Variants in LCK observed in about 807,000 individuals in gnomAD.
LCK encodes the protein LCK proto-oncogene, Src family tyrosine kinase.
In LCK, 14 loss-of-function variants were observed where a neutral mutation model predicts 64.6. The ratio of observed to expected loss-of-function variants is 0.22; its 90% confidence interval spans 0.14 to 0.34. LCK has a LOEUF of 0.34. LCK is among the 10% of genes least tolerant of loss of function. The pLI, the probability that LCK is intolerant of heterozygous loss-of-function variation, is 1.00. For missense variants in LCK, 434 were observed against 668.1 expected (o/e 0.65, Z 3.86); for synonymous variants, 277 against 263.6 (o/e 1.05, Z -0.49).
rs1432668147 is a variant in LCK, at chr1:32,276,512, C to T, written c.784+23C>T. ...TGGGTGAGTGTGGCCTCCAGGACTG[C>T]CTGGGAAGAGGGGAACGGGAGGGGC... On this transcript the variant is annotated intron_variant, in intron 8 of 12. Coordinates refer to ENST00000336890, the MANE Select transcript of LCK (RefSeq NM_005356.5). This position sits in a 1 kb window ranked among gnomAD's most constrained non-coding sequence, Gnocchi z 4.6. 1 of 1,595,450 alleles carries T rather than the reference C, an allele frequency of 6.3e-7. No homozygotes were observed. The highest frequency in any genetic ancestry group is 2.2e-5 in the East Asian group (1 of 44,624).
intron 1 of LCK, among the ~76,000 whole-genome samples, chr1:32,262,484 G>A (rs143254369): frequency 0.013 from 2,022 of 149,854 alleles, 45 homozygotes; most frequent in African/African-American, 0.047. Context: ...GTGCAATGGC[G>A]CGATCTCGGC....
intron 1 of LCK, among the ~76,000 whole-genome samples, chr1:32,266,302 C>T (rs1639905615): frequency 6.6e-6 from 1 of 150,634 alleles, no homozygotes; most frequent in Non-Finnish European, 1.5e-5. Flanking sequence ...ACCATCCTGG[C>T]TAACATGGTG....
At position 32,276,569 on chromosome 1, in the gene LCK, C is replaced by T. The variant is rs375001231; in HGVS notation, c.785-38C>T. ...GGTGATGAGAGTCCCAGGACAGCTG[C>T]CTGGCGACTTTCCCACTCCTTCCCT... On this transcript the variant is annotated intron_variant, in intron 8 of 12. Coordinates refer to ENST00000336890, the MANE Select transcript of LCK (RefSeq NM_005356.5). The surrounding 1 kb of genome is among the most constrained non-coding windows in gnomAD (Gnocchi z 4.6). The T allele has an allele frequency of 3.1e-4, 486 of 1,584,896 alleles. No individual in the cohort carries two copies. Among genetic ancestry groups the T allele is most frequent in the Non-Finnish European group, 4.0e-4 (468 of 1,162,358 alleles).
At chr1:32,259,865 T>G (rs1416658351) in intron 1 of LCK, among the ~76,000 whole-genome samples, 2 of 151,886 alleles carry the variant, frequency 1.3e-5, no homozygotes, top group African/African-American at 4.8e-5. Flanking sequence ...TTGCCATGCC[T>G]GCTAGCCCTG....
In LCK at chr1:32,280,217, G is replaced by A. The variant is rs1318015833; in HGVS notation, c.1327+7G>A. 9.9e-6 allele frequency: 16 copies of A among 1,613,892 alleles called. No homozygotes were observed. The highest frequency in any genetic ancestry group is 1.3e-5 in the Non-Finnish European group (15 of 1,179,992). Reference sequence around the variant, plus strand: ...GGCCGCATCCCTTACCCAGGTTAGAGCCAAGGGCAGGAACTGAAAGGGTGA... The same window carrying A: ...GGCCGCATCCCTTACCCAGGTTAGAACCAAGGGCAGGAACTGAAAGGGTGA... On this transcript the variant is annotated splice_region_variant and intron_variant, in intron 12 of 12. Transcript: ENST00000336890.
chr1:32,261,560 C>T (rs960767355), intron 1 of LCK, among the ~76,000 whole-genome samples: 24 of 149,000 alleles, frequency 1.6e-4, no homozygotes, highest in Non-Finnish European at 1.6e-4. Context: ...GCAGGATAAT[C>T]ACTTGAACCT....
intron 1 of LCK, among the ~76,000 whole-genome samples, chr1:32,267,469 A>G (rs1301330879): frequency 6.6e-6 from 1 of 152,126 alleles, no homozygotes; most frequent in South Asian, 2.1e-4. Context: ...AGTTTAAGAA[A>G]CAGGAGTCGA....
At chr1:32,279,369 G>A (rs970522995) in intron 9 of LCK, among the ~76,000 whole-genome samples, 1 of 152,154 alleles carries the variant, frequency 6.6e-6, no homozygotes, top group African/African-American at 2.4e-5. Context: ...GTGGGGGAAA[G>A]AGAAGAAGCT....
chr1:32,280,027 T>G (rs753999038), intron 11 of LCK, 33 bp downstream of exon 11: 1 of 1,613,908 alleles, frequency 6.2e-7, no homozygotes, highest in East Asian at 2.2e-5. Flanking sequence ...GTCTGGGCCC[T>G]GCAGGGTCTG....
At chr1:32,259,293 A>AAAAG (rs1024486972) in intron 1 of LCK, among the ~76,000 whole-genome samples, 4 of 150,334 alleles carry the variant, frequency 2.7e-5, no homozygotes, top group Non-Finnish European at 5.9e-5. Context: ...CTCAGGTAAA[A>AAAAG]AAAAAAAAAG....
chr1:32,264,838 T>G (rs916302579), intron 1 of LCK, among the ~76,000 whole-genome samples: 2 of 152,034 alleles, frequency 1.3e-5, no homozygotes, highest in Non-Finnish European at 2.9e-5. Context: ...GCTCAATCGA[T>G]CCTCTCTCCT....
chr1:32,279,510 AT>A, intron 9 of LCK, 160 bp from the exon 10 acceptor site: 1 of 1,425,684 alleles, frequency 7.0e-7, no homozygotes, highest in Non-Finnish European at 9.5e-7. Context: ...ACCTTTACAT[AT>A]CCTGGGCATC....
In LCK at chr1:32,251,403, C is replaced by A. The variant is rs1343673193; in HGVS notation, c.-6+32C>A. 6.5e-6 allele frequency: 1 copy of A among 153,794 alleles called. No individual in the cohort carries two copies. Among genetic ancestry groups the A allele is most frequent in the Non-Finnish European group, 1.4e-5 (1 of 69,328 alleles). The allele number at this position is 153,794 out of a possible 1,614,324, so 9.5% of individuals were successfully genotyped here. ...AGCGCTGGTATTGGGGGCGCAGGCG[C>A]CGGGGTGAGAGGCCTGATAGCAGAC... On this transcript the variant is annotated intron_variant, in intron 1 of 12. Transcript: ENST00000336890. The surrounding 1 kb of genome is among the most constrained non-coding windows in gnomAD (Gnocchi z 4.0).
intron 12 of LCK, among the ~76,000 whole-genome samples, chr1:32,284,813 T>C (rs559681029): frequency 1.3e-5 from 2 of 152,244 alleles, no homozygotes; most frequent in Non-Finnish European, 1.5e-5. Context: ...GTGTGTATTA[T>C]TGAGCATTTA....
chr1:32,276,809 A>G lies in LCK; in HGVS notation c.964+23A>G. On this transcript the variant is annotated intron_variant, in intron 9 of 12. Coordinates refer to ENST00000336890, the MANE Select transcript of LCK (RefSeq NM_005356.5). The surrounding 1 kb of genome is among the most constrained non-coding windows in gnomAD (Gnocchi z 4.6). ...ATGGTGGGTGCTACCCGAGTCGGCT[A>G]CCAGGGGATACTGCTCTCCCTGCTG... 1 of 1,565,398 alleles carries G rather than the reference A, an allele frequency of 6.4e-7. No homozygotes were observed. Among genetic ancestry groups the G allele is most frequent in the Non-Finnish European group, 8.7e-7 (1 of 1,150,120 alleles).
At position 32,264,822 on chromosome 1, in the gene LCK, T is replaced by G. The variant is rs191121833; in HGVS notation, c.-5-9503T>G. On this transcript the variant is annotated intron_variant, in intron 1 of 12. Transcript: ENST00000336890. ...CACGTTGCCCAGGCTGGTCTCAAAC[T>G]CCGGGGCTCAATCGATCCTCTCTCC... Among the ~76,000 whole-genome samples, 1,048 of 152,186 alleles carry G rather than the reference T, an allele frequency of 6.9e-3. 14 individuals are homozygous for G. The highest frequency in any genetic ancestry group is 0.024 in the African/African-American group (985 of 41,548).
chr1:32,262,968 T>A (rs948336125), intron 1 of LCK, among the ~76,000 whole-genome samples: 4 of 151,652 alleles, frequency 2.6e-5, no homozygotes, highest in Admixed American at 2.6e-4. Flanking sequence ...CATTCTTTTC[T>A]CCCAATTTAG....
Position 32,279,978 on chromosome 1 carries a change from G to A in LCK, c.1179G>A (p.Glu393=). 9 of 1,614,194 alleles carry A rather than the reference G, an allele frequency of 5.6e-6. No individual in the cohort carries two copies. The highest frequency in any genetic ancestry group is 7.6e-6 in the Non-Finnish European group (9 of 1,180,052). Residue 393 remains glutamate (E), a synonymous_variant, in exon 11 of 13, where the codon GAG becomes GAA. Coordinates refer to ENST00000336890, the MANE Select transcript of LCK (RefSeq NM_005356.5). ...TAGCACGCCTCATTGAGGACAACGAGTACACAGCCAGGGAGGGTACGTGTG... is the reference window on the plus strand; with the variant it reads ...TAGCACGCCTCATTGAGGACAACGAATACACAGCCAGGGAGGGTACGTGTG... The part of the protein sequence containing the change: ...FGLARLIEDN[E]YTAREGAKFP...
chr1:32,265,115 G>A (rs1639876175), intron 1 of LCK, among the ~76,000 whole-genome samples: 1 of 151,956 alleles, frequency 6.6e-6, no homozygotes, highest in South Asian at 2.1e-4. Flanking sequence ...GCTGAGGCAC[G>A]GAGGTTGCAG....
Sources: gnomAD v4.1 joint callset for allele counts (sites outside exome capture counted in the v4.1 genomes callset) on GRCh38, gnomAD v4.1.1 for gene constraint, Gnocchi (gnomAD v3.1) non-coding constraint, MANE v1.5 for transcripts, NCBI Gene and HGNC (gene_info 2026-07-23, HGNC 2026-07-21) for gene names.